DRAXIN: variants seen among roughly 807,000 people sequenced by gnomAD.
The protein encoded by DRAXIN is dorsal repulsive axon guidance protein.
DRAXIN carries 27 observed loss-of-function variants against 33.9 expected under a neutral mutation model. The ratio of observed to expected loss-of-function variants is 0.80; its 90% confidence interval spans 0.59 to 1.10. The LOEUF (loss-of-function observed/expected upper bound fraction) is 1.10, where lower values mean the gene tolerates loss of function less well. Among genes scored for constraint, DRAXIN ranks in the 50% least tolerant of loss-of-function variants. DRAXIN has a pLI of 0.00. For synonymous variants in DRAXIN, 178 were observed against 194.0 expected (o/e 0.92, Z 0.69); for missense variants, 371 against 460.8 (o/e 0.81, Z 1.78).
chr1:11,709,594 C>A, intron 3 of DRAXIN, 129 bp downstream of exon 3: 1 of 1,137,738 alleles, frequency 8.8e-7, no homozygotes, highest in Non-Finnish European at 1.2e-6. Context: ...TAGATTGAAA[C>A]CAGATCTCCT....
intron 5 of DRAXIN, among the ~76,000 whole-genome samples, chr1:11,713,173 G>A (rs1641524196): frequency 6.7e-6 from 1 of 150,228 alleles, no homozygotes. Context: ...ACTCCAGCCT[G>A]GGCAATAAGA....
intron 3 of DRAXIN, among the ~76,000 whole-genome samples, chr1:11,710,920 T>TAAAAA (rs1641483974): frequency 6.3e-5 from 1 of 15,866 alleles, no homozygotes; most frequent in African/African-American, 8.9e-4. Flanking sequence ...AGACTCCATC[T>TAAAAA]CAAAAAAAAA....
At chr1:11,698,276 C>G (rs1366470400) in intron 1 of DRAXIN, among the ~76,000 whole-genome samples, 2 of 152,196 alleles carry the variant, frequency 1.3e-5, no homozygotes, top group Non-Finnish European at 2.9e-5. Context: ...TGTTCCCCAA[C>G]TCTCATGTAG....
rs1177759850 is a variant in DRAXIN, at chr1:11,709,351, C to T, written c.528C>T (p.Ala176=). The T allele has an allele frequency of 1.9e-6, 3 of 1,614,060 alleles. No homozygotes were observed. Among genetic ancestry groups the T allele is most frequent in the Non-Finnish European group, 2.5e-6 (3 of 1,179,978 alleles). Residue 176 remains alanine, a synonymous_variant, in exon 3 of 7, where the codon GCC becomes GCT. Coordinates refer to ENST00000294485, the MANE Select transcript of DRAXIN (RefSeq NM_198545.4). ...ELSEAQVLDA[A]MEESSTSLAP... ...CCGAAGCCCAGGTGCTGGATGCAGC[C>T]ATGGAGGAATCCTCCACCAGCCTGG...
At chr1:11,709,553 G>A (rs1641444942) in intron 3 of DRAXIN, 88 bp downstream of exon 3, 5 of 1,410,066 alleles carry the variant, frequency 3.5e-6, no homozygotes, top group South Asian at 1.5e-5. Flanking sequence ...GGGAGACTGA[G>A]GCACGGGGGC....
chr1:11,690,283 G>C (rs1055542949), upstream of DRAXIN, among the ~76,000 whole-genome samples: 3 of 152,150 alleles, frequency 2.0e-5, no homozygotes. This position sits in a 1 kb window ranked among gnomAD's most constrained non-coding sequence, Gnocchi z 4.2. Context: ...GTATTTATGG[G>C]ATGGATGACT....
chr1:11,715,141 G>A lies in DRAXIN; in HGVS notation c.870G>A (p.Glu290=). The A allele has an allele frequency of 6.2e-7, 1 of 1,614,270 alleles. No individual in the cohort carries two copies. Among genetic ancestry groups the A allele is most frequent in the Non-Finnish European group, 8.5e-7 (1 of 1,180,050 alleles). The change falls in exon 6 of 7, where the codon GAG becomes GAA. Residue 290 remains glutamate (E), a synonymous_variant. Transcript: ENST00000294485. The stretch of plus-strand genomic sequence containing the variant: ...CAGGGACTTGCTGCGACCTGCGGGA[G>A]CATCTCTGCACACCCCACAACCGAG... The part of the protein sequence containing the change: ...CLPGTCCDLR[E]HLCTPHNRGL...
intron 2 of DRAXIN, 79 bp from the exon 3 acceptor site, chr1:11,709,196 A>T: frequency 2.1e-6 from 3 of 1,428,942 alleles, no homozygotes; most frequent in Non-Finnish European, 2.8e-6. Context: ...AGTTTGCAGC[A>T]TAAAACGTGG....
rs369772198 is a variant in DRAXIN at position 11,707,058 on chromosome 1, G to T, written c.451+349G>T. ...CTACTAAAAATACAAAAAATTAGCC[G>T]GGCGCGATGGTGGGCGCCTGTAGTC... On this transcript the variant is annotated intron_variant, in intron 2 of 6. Coordinates refer to ENST00000294485, the MANE Select transcript of DRAXIN (RefSeq NM_198545.4). 5.8e-4 allele frequency among the ~76,000 whole-genome samples: 89 copies of T among 152,224 alleles called. 2 individuals carry two copies. In the South Asian group the frequency reaches 9.8e-3, roughly 17 times the overall value.
rs1641352786 is a variant in DRAXIN, at chr1:11,704,717, C to T, written c.-10-1532C>T. Among the ~76,000 whole-genome samples the T allele has an allele frequency of 6.6e-6, 1 of 152,216 alleles. No individual in the cohort carries two copies. Among genetic ancestry groups the T allele is most frequent in the Non-Finnish European group, 1.5e-5 (1 of 68,032 alleles). ...CAGGGTCCCACGCACGTCACCAAGG[C>T]TCACCTAGTATCTTCAGCCAGATCC... On this transcript the variant is annotated intron_variant, in intron 1 of 6. Coordinates refer to ENST00000294485, the MANE Select transcript of DRAXIN (RefSeq NM_198545.4). The surrounding 1 kb of genome is among the most constrained non-coding windows in gnomAD (Gnocchi z 4.6).
chr1:11,712,409 A>C lies in DRAXIN; in HGVS notation c.827A>C (p.His276Pro). Residue 276 changes from histidine to proline, a missense_variant, in exon 5 of 7, where the codon CAT becomes CCT. By Grantham distance (77) the His-to-Pro change is moderately conservative. Transcript: ENST00000294485. Reference protein sequence around the residue: ...TSPAEGEPCDHHQDCLPGTCC... With the variant: ...TSPAEGEPCDPHQDCLPGTCC... ...CCAGCCGAAGGGGAACCATGCGACC[A>C]TCACCAAGACTGCCTGCCAGGTACC... 1 of 1,614,140 alleles carries C rather than the reference A, an allele frequency of 6.2e-7. No homozygotes were observed. Among genetic ancestry groups the C allele is most frequent in the Non-Finnish European group, 8.5e-7 (1 of 1,180,002 alleles).
chr1:11,692,100 C>T lies in DRAXIN; in HGVS notation c.-11+247C>T, dbSNP rs1641081291. Among the ~76,000 whole-genome samples, 1 of 152,202 alleles carries T rather than the reference C, an allele frequency of 6.6e-6. No individual in the cohort carries two copies. Among genetic ancestry groups the T allele is most frequent in the South Asian group, 2.1e-4 (1 of 4,830 alleles). On this transcript the variant is annotated intron_variant, in intron 1 of 6. Transcript: ENST00000294485. This position sits in a 1 kb window ranked among gnomAD's most constrained non-coding sequence, Gnocchi z 5.8. ...TGCTCCCGGGCTCCCCATCCGTCCA[C>T]CTACCGCTGGACGCCCACTTTTCCA...
chr1:11,700,524 G>A (rs571553354), intron 1 of DRAXIN, among the ~76,000 whole-genome samples: 4 of 152,330 alleles, frequency 2.6e-5, no homozygotes, highest in African/African-American at 4.8e-5. Context: ...GAATGTATTC[G>A]AGAGTGTCTG....
chr1:11,694,321 C>T lies in DRAXIN; in HGVS notation c.-11+2468C>T, dbSNP rs891682164. 3.3e-5 allele frequency among the ~76,000 whole-genome samples: 5 copies of T among 152,040 alleles called. No homozygotes were observed. Among genetic ancestry groups the T allele is most frequent in the Non-Finnish European group, 4.4e-5 (3 of 68,022 alleles). On this transcript the variant is annotated intron_variant, in intron 1 of 6. Coordinates refer to ENST00000294485, the MANE Select transcript of DRAXIN (RefSeq NM_198545.4). The surrounding 1 kb of genome is among the most constrained non-coding windows in gnomAD (Gnocchi z 4.9). ...AGTGTCTTGCTGAGTTCTGCTGGGT[C>T]CTGCTGGTGGGGCCAGGGCGGAGCT...
chr1:11,702,747 C>CTTTTTTTTTTTTTTT (rs33972819), intron 1 of DRAXIN, among the ~76,000 whole-genome samples: 7 of 145,552 alleles, frequency 4.8e-5, no homozygotes, highest in Non-Finnish European at 4.5e-5. Flanking sequence ...GGTATGAATT[C>CTTTTTTTTTTTTTTT]TTTTTTTTTT....
At position 11,704,469 on chromosome 1, in the gene DRAXIN, T is replaced by G. The variant is rs1160316777; in HGVS notation, c.-10-1780T>G. 1.3e-5 allele frequency among the ~76,000 whole-genome samples: 2 copies of G among 152,102 alleles called. No individual in the cohort carries two copies. Among genetic ancestry groups the G allele is most frequent in the Non-Finnish European group, 2.9e-5 (2 of 68,016 alleles). On this transcript the variant is annotated intron_variant, in intron 1 of 6. Coordinates refer to ENST00000294485, the MANE Select transcript of DRAXIN (RefSeq NM_198545.4). This position sits in a 1 kb window ranked among gnomAD's most constrained non-coding sequence, Gnocchi z 4.6. ...ACAGGCCTTTAAAATGGGCCCCTCCTCCCCCTGGGCTGCCTCAGGAACCAG... is the reference window on the plus strand; with the variant it reads ...ACAGGCCTTTAAAATGGGCCCCTCCGCCCCCTGGGCTGCCTCAGGAACCAG...
At chr1:11,703,383 G>T (rs1251304654) in intron 1 of DRAXIN, among the ~76,000 whole-genome samples, 1 of 152,118 alleles carries the variant, frequency 6.6e-6, no homozygotes, top group African/African-American at 2.4e-5. Context: ...AGGGGGAGAG[G>T]TTCCATGCAG....
chr1:11,711,275 C>A (rs1347248103), intron 3 of DRAXIN, among the ~76,000 whole-genome samples: 1 of 152,258 alleles, frequency 6.6e-6, no homozygotes, highest in Non-Finnish European at 1.5e-5. Context: ...AGGCCCCCTG[C>A]AGGCCAGCCT....
rs142426936 is a variant in DRAXIN, at chr1:11,704,112, C to T, written c.-10-2137C>T. On this transcript the variant is annotated intron_variant, in intron 1 of 6. Transcript: ENST00000294485. This position sits in a 1 kb window ranked among gnomAD's most constrained non-coding sequence, Gnocchi z 4.6. Reference sequence around the variant, plus strand: ...ACTGAGCCTCCTCTGCTCTCTTGCCCGCACTGTCTGGGTTTTCTTCCTCAT... The same window carrying T: ...ACTGAGCCTCCTCTGCTCTCTTGCCTGCACTGTCTGGGTTTTCTTCCTCAT... 5.3e-5 allele frequency among the ~76,000 whole-genome samples: 8 copies of T among 152,308 alleles called. No individual in the cohort carries two copies. The highest frequency in any genetic ancestry group is 4.1e-4 in the South Asian group (2 of 4,822).
Sources: gnomAD v4.1 joint callset for allele counts (sites outside exome capture counted in the v4.1 genomes callset) on GRCh38, gnomAD v4.1.1 for gene constraint, Gnocchi (gnomAD v3.1) non-coding constraint, MANE v1.5 for transcripts, NCBI Gene and HGNC (gene_info 2026-07-23, HGNC 2026-07-21) for gene names.